CPQ: variants seen among roughly 807,000 people sequenced by gnomAD.
The protein encoded by CPQ is Ser-Met dipeptidase.
Under a neutral mutation model 45.7 loss-of-function variants are expected in CPQ, and 37 were observed. The ratio of observed to expected loss-of-function variants is 0.81; its 90% CI spans 0.62 to 1.07. The LOEUF (loss-of-function observed/expected upper bound fraction) is 1.07, where lower values mean the gene tolerates loss of function less well. Among genes scored for constraint, CPQ ranks in the 50% least tolerant of loss-of-function variants. The probability of loss-of-function intolerance (pLI) is 0.00; values close to 1 mark genes in which losing one functional copy is unlikely to be tolerated. For missense variants in CPQ, 537 were observed against 572.9 expected (o/e 0.94, Z 0.64); for synonymous variants, 186 against 205.8 (o/e 0.90, Z 0.82).
At chr8:97,000,142 T>C (rs1164656212) in intron 5 of CPQ, among the ~76,000 whole-genome samples, 2 of 152,112 alleles carry the variant, frequency 1.3e-5, no homozygotes, top group Non-Finnish European at 2.9e-5. Flanking sequence ...ATATTAGACC[T>C]TTGTCAGATG....
intron 7 of CPQ, among the ~76,000 whole-genome samples, chr8:97,068,030 G>A (rs1010156393): frequency 1.3e-5 from 2 of 152,136 alleles, no homozygotes; most frequent in African/African-American, 2.4e-5. Flanking sequence ...GAGTGCAGAC[G>A]GGGGGTGGTT....
chr8:96,864,311 G>T (rs1293569370), intron 3 of CPQ, among the ~76,000 whole-genome samples: 1 of 152,054 alleles, frequency 6.6e-6, no homozygotes, highest in African/African-American at 2.4e-5. Flanking sequence ...TGGAAATGAT[G>T]GAAGATATTG....
In CPQ at chr8:96,695,008, C is replaced by G. The variant is rs558676706; in HGVS notation, c.-35+49606C>G. Among the ~76,000 whole-genome samples the G allele has an allele frequency of 4.4e-3, 663 of 151,980 alleles. 4 individuals carry two copies. Among genetic ancestry groups the G allele is most frequent in the Non-Finnish European group, 7.0e-3 (476 of 67,964 alleles). ...TCAATCCTGAGCCAAAAGAACAAAG[C>G]TGGAGGCATCACACTACCTGACTTC... is the stretch of plus-strand genomic sequence containing the variant. On this transcript the variant is annotated intron_variant, in intron 1 of 7. Coordinates refer to ENST00000220763, the MANE Select transcript of CPQ (RefSeq NM_016134.4).
At chr8:97,002,475 T>C (rs1809301909) in intron 5 of CPQ, among the ~76,000 whole-genome samples, 1 of 152,238 alleles carries the variant, frequency 6.6e-6, no homozygotes. Flanking sequence ...TTGTTCACAT[T>C]AGTTTCAAAG....
At chr8:97,100,689 T>C (rs571258282) in intron 7 of CPQ, among the ~76,000 whole-genome samples, 1 of 152,154 alleles carries the variant, frequency 6.6e-6, no homozygotes, top group Non-Finnish European at 1.5e-5. Context: ...AATGGTAAAC[T>C]TGAAGAGCTT....
At chr8:96,747,964 A>G (rs1481192975) in intron 1 of CPQ, among the ~76,000 whole-genome samples, 1 of 152,246 alleles carries the variant, frequency 6.6e-6, no homozygotes, top group Non-Finnish European at 1.5e-5. Context: ...AAAGACAGAC[A>G]GCAATTACGG....
At chr8:97,090,130 G>A (rs900970888) in intron 7 of CPQ, among the ~76,000 whole-genome samples, 11 of 152,184 alleles carry the variant, frequency 7.2e-5, no homozygotes, top group South Asian at 2.1e-4. Flanking sequence ...TACTTCACAC[G>A]AATGGATGTT....
At chr8:96,994,720 C>T (rs764162374) in intron 5 of CPQ, among the ~76,000 whole-genome samples, 11 of 152,050 alleles carry the variant, frequency 7.2e-5, no homozygotes, top group Non-Finnish European at 1.6e-4. Flanking sequence ...TTGTCTGGGA[C>T]AGTCCCAATT....
chr8:96,823,883 A>G (rs555373226), intron 2 of CPQ, among the ~76,000 whole-genome samples: 1 of 152,118 alleles, frequency 6.6e-6, no homozygotes, highest in Non-Finnish European at 1.5e-5. Context: ...CTGTCAGATA[A>G]ATCTGCTTGA....
At chr8:96,935,505 T>G (rs541970197) in intron 4 of CPQ, among the ~76,000 whole-genome samples, 2 of 152,250 alleles carry the variant, frequency 1.3e-5, no homozygotes, top group Non-Finnish European at 2.9e-5. Context: ...GTTACCAGGT[T>G]TCTGTTTCCA....
intron 1 of CPQ, among the ~76,000 whole-genome samples, chr8:96,672,800 C>T (rs1301133718): frequency 2.6e-5 from 4 of 151,948 alleles, no homozygotes; most frequent in Admixed American, 2.6e-4. Context: ...ATGGGGTGGT[C>T]AAGGAGTGCT....
chr8:97,103,595 G>C (rs1233786104), intron 7 of CPQ, among the ~76,000 whole-genome samples: 3 of 152,052 alleles, frequency 2.0e-5, no homozygotes, highest in African/African-American at 7.3e-5. Flanking sequence ...GGTTACCTTG[G>C]GAAAATTACA....
chr8:96,667,411 C>T (rs535155567), intron 1 of CPQ, among the ~76,000 whole-genome samples: 74 of 150,092 alleles, frequency 4.9e-4, no homozygotes, highest in Admixed American at 1.3e-3. Flanking sequence ...TGCAGTGGCA[C>T]GATCTCGGCT....
In CPQ at chr8:96,879,891, G is replaced by A. The variant is rs141107654; in HGVS notation, c.735G>A (p.Met245Ile). ...TVEDAEMMSR[M>I]ASHGIKIVIQ... ...AAGATGCAGAAATGATGTCAAGAAT[G>A]GCTTCTCATGGGATCAAAATTGTCA... is the stretch of plus-strand genomic sequence containing the variant. The change falls in exon 4 of 8, where the codon ATG becomes ATA. Residue 245 changes from methionine (M) to isoleucine (I), a missense_variant. Physicochemically the swap from Met to Ile is conservative, Grantham distance 10. Coordinates refer to ENST00000220763, the MANE Select transcript of CPQ (RefSeq NM_016134.4). 6,926 of 1,614,026 alleles carry A rather than the reference G, an allele frequency of 4.3e-3. 26 individuals carry two copies. Among genetic ancestry groups the A allele is most frequent in the Non-Finnish European group, 5.2e-3 (6,144 of 1,179,980 alleles).
intron 5 of CPQ, among the ~76,000 whole-genome samples, chr8:97,004,364 TTTAAA>T (rs1275293685): frequency 6.6e-6 from 1 of 151,350 alleles, no homozygotes; most frequent in African/African-American, 2.4e-5. Context: ...CTTGTAGTCT[TTTAAA>T]TTAGTGATTT....
At chr8:96,891,359 T>C (rs940378047) in intron 4 of CPQ, among the ~76,000 whole-genome samples, 8 of 152,214 alleles carry the variant, frequency 5.3e-5, no homozygotes, top group African/African-American at 1.9e-4. Context: ...CTGATCTCCC[T>C]GAGGAATGGT....
intron 1 of CPQ, among the ~76,000 whole-genome samples, chr8:96,688,812 C>G (rs1222981545): frequency 6.6e-6 from 1 of 152,100 alleles, no homozygotes; most frequent in Non-Finnish European, 1.5e-5. Context: ...GAAAAGCCAT[C>G]TAGTGGTTGC....
chr8:96,902,272 A>G (rs951051112), intron 4 of CPQ, among the ~76,000 whole-genome samples: 1 of 152,312 alleles, frequency 6.6e-6, no homozygotes, highest in African/African-American at 2.4e-5. Context: ...TTCTCACAGA[A>G]ATATTGTGAA....
chr8:97,098,505 C>T (rs1811247179), intron 7 of CPQ, among the ~76,000 whole-genome samples: 1 of 152,096 alleles, frequency 6.6e-6, no homozygotes, highest in Non-Finnish European at 1.5e-5. Context: ...TCTGTGTTTC[C>T]AAAAACCTTC....
Sources: allele counts gnomAD v4.1 joint callset (sites outside exome capture counted in the v4.1 genomes callset), GRCh38; gene constraint gnomAD v4.1.1; transcripts MANE v1.5; gene names NCBI Gene and HGNC (gene_info 2026-07-23, HGNC 2026-07-21).